The following LIPE variants were observed in gnomAD, a reference collection of about 807,000 sequenced individuals.
The protein encoded by LIPE is lipase E, hormone sensitive type.
Under a neutral mutation model 88.5 loss-of-function variants are expected in LIPE, and 66 were observed. The observed-to-expected ratio is 0.75, with a 90% CI of 0.61 to 0.91. The LOEUF is 0.91. Ranked by LOEUF, LIPE falls within the 40% of genes least tolerant of loss-of-function variation. LIPE has a pLI of 0.00. For synonymous variants in LIPE, 570 were observed against 617.5 expected (o/e 0.92, Z 1.14); for missense variants, 1,346 against 1,434.7 (o/e 0.94, Z 1.00).
At chr19:42,425,788 C>T (rs1308285422) in intron 1 of LIPE, among the ~76,000 whole-genome samples, 2 of 152,006 alleles carry the variant, frequency 1.3e-5, no homozygotes, top group South Asian at 2.1e-4. Flanking sequence ...CCAGCCTGGG[C>T]GACAGAGTGA....
At position 42,410,737 on chromosome 19, in the gene LIPE, G is replaced by A. The variant is rs780479523; in HGVS notation, c.989C>T (p.Thr330Met). ...AFFSSQGPGE[T>M]AQRLSGVFAG... Reference sequence around the variant, plus strand: ...AAAAACGCCTGACAGCCGCTGGGCCGTTTCCCCAGGACCCTGGCTCGAGAA... The same window carrying A: ...AAAAACGCCTGACAGCCGCTGGGCCATTTCCCCAGGACCCTGGCTCGAGAA... The change falls in exon 2 of 10, where the codon ACG becomes ATG. Residue 330 changes from threonine to methionine, a missense_variant. Coordinates refer to ENST00000244289, the MANE Select transcript of LIPE (RefSeq NM_005357.4). This position sits in a 1 kb window ranked among gnomAD's most constrained non-coding sequence, Gnocchi z 6.1. 9.3e-6 allele frequency: 15 copies of A among 1,613,868 alleles called. No homozygotes were observed. The East Asian group carries it at 1.6e-4, about 17-fold the overall frequency.
chr19:42,426,123 TTTA>T, intron 1 of LIPE, 141 bp downstream of exon 1: 1 of 590,874 alleles, frequency 1.7e-6, no homozygotes, highest in South Asian at 5.6e-5. Flanking sequence ...TTTTTTTTTT[TTTA>T]ATAATGGGGA....
At chr19:42,405,111 G>T (rs548392464) in intron 8 of LIPE, among the ~76,000 whole-genome samples, 4 of 152,228 alleles carry the variant, frequency 2.6e-5, no homozygotes, top group African/African-American at 9.6e-5. Context: ...CAAGTGATCT[G>T]CCCACCTTGG....
rs1273645616 is a variant in LIPE, at chr19:42,421,943, C to T, written c.883+4324G>A. Among the ~76,000 whole-genome samples the T allele has an allele frequency of 5.3e-5, 8 of 152,346 alleles. No individual in the cohort carries two copies. In the East Asian group the frequency reaches 1.3e-3, roughly 26 times the overall value. On this transcript the variant is annotated intron_variant, in intron 1 of 9. Coordinates refer to ENST00000244289, the MANE Select transcript of LIPE (RefSeq NM_005357.4). ...GAGCCTTTGTGAATGGCTCGTTTTGCAGGGAGCCCTGCCCAACTGGATTCT... is the reference window on the plus strand; with the variant it reads ...GAGCCTTTGTGAATGGCTCGTTTTGTAGGGAGCCCTGCCCAACTGGATTCT...
intron 1 of LIPE, chr19:42,423,003 C>T (rs1350530870): frequency 1.6e-5 from 3 of 190,438 alleles, no homozygotes; most frequent in Non-Finnish European, 3.4e-5. Context: ...CGCTAGACTT[C>T]CTCTTTGAGT....
intron 1 of LIPE, chr19:42,423,704 C>A: frequency 8.8e-7 from 1 of 1,138,210 alleles, no homozygotes; most frequent in South Asian, 1.8e-5. Flanking sequence ...CGCTGCCGTG[C>A]TCCGCCCCCA....
In LIPE at chr19:42,409,301, C is replaced by G. The variant is rs547831560; in HGVS notation, c.1420-979G>C. Among the ~76,000 whole-genome samples the G allele has an allele frequency of 3.3e-5, 5 of 150,758 alleles. No individual in the cohort carries two copies. The South Asian group carries it at 1.0e-3, about 32-fold the overall frequency. On this transcript the variant is annotated intron_variant, in intron 2 of 9. Coordinates refer to ENST00000244289, the MANE Select transcript of LIPE (RefSeq NM_005357.4). Reference sequence around the variant, plus strand: ...GTGCAGTGGCTCATGCCTGTAAACCCAGTACTTTGGGAGGCCAAGGTGGGT... The same window carrying G: ...GTGCAGTGGCTCATGCCTGTAAACCGAGTACTTTGGGAGGCCAAGGTGGGT...
intron 2 of LIPE, among the ~76,000 whole-genome samples, chr19:42,409,153 CAGAA>C (rs1216860868): frequency 2.0e-5 from 3 of 151,802 alleles, no homozygotes; most frequent in Non-Finnish European, 2.9e-5. Flanking sequence ...GGACCTGAGG[CAGAA>C]AGACAGTCAG....
At position 42,423,210 on chromosome 19, in the gene LIPE, T is replaced by A. The variant is rs10421857; in HGVS notation, c.883+3057A>T. ...CTCTGCTCCCAAGCCGATCCGGGCG[T>A]CAGCTAGTCCCTGTGCCAGGGTGGG... On this transcript the variant is annotated intron_variant, in intron 1 of 9. Coordinates refer to ENST00000244289, the MANE Select transcript of LIPE (RefSeq NM_005357.4). The A allele has an allele frequency of 9.0e-3, 2,732 of 303,792 alleles. 66 individuals are homozygous for A. Among genetic ancestry groups the A allele is most frequent in the African/African-American group, 0.056 (2,413 of 43,200 alleles). 18.8% of individuals were successfully genotyped at this position (303,792 alleles called of 1,614,324 possible). A position where few individuals can be genotyped will look rare whatever the true frequency, so the allele number is the denominator to read the frequency against.
chr19:42,421,889 G>T (rs979569667), intron 1 of LIPE, among the ~76,000 whole-genome samples: 6 of 152,256 alleles, frequency 3.9e-5, no homozygotes, highest in African/African-American at 1.4e-4. Flanking sequence ...TTCAGGAAAT[G>T]ACAGGCAAAT....
intron 1 of LIPE, among the ~76,000 whole-genome samples, chr19:42,420,216 G>T (rs1254551249): frequency 6.6e-6 from 1 of 152,062 alleles, no homozygotes; most frequent in Non-Finnish European, 1.5e-5. Flanking sequence ...CAGAGCTGCT[G>T]ATCTCTGCTG....
intron 1 of LIPE, among the ~76,000 whole-genome samples, chr19:42,426,017 G>A (rs2040699724): frequency 6.6e-6 from 1 of 151,178 alleles, no homozygotes. Context: ...GGCTAGGCTG[G>A]TCTTGAACTC....
In LIPE at chr19:42,417,799, T is replaced by C. The variant is rs369744984; in HGVS notation, c.884-6957A>G. Among the ~76,000 whole-genome samples the C allele has an allele frequency of 1.4e-4, 22 of 152,216 alleles. No homozygotes were observed. The East Asian group carries it at 3.7e-3, about 25-fold the overall frequency. On this transcript the variant is annotated intron_variant, in intron 1 of 9. Coordinates refer to ENST00000244289, the MANE Select transcript of LIPE (RefSeq NM_005357.4). The stretch of plus-strand genomic sequence containing the variant: ...ACTTTGGGAGGCCAAGGCAGGAAGA[T>C]AGCTTGAGGCCAGTTTGAGATCAAC...
chr19:42,424,052 G>A, intron 1 of LIPE: 3 of 1,183,492 alleles, frequency 2.5e-6, no homozygotes, highest in Middle Eastern at 3.9e-4. Flanking sequence ...ACGAGGCGGG[G>A]CGCCAGCGCT....
intron 1 of LIPE, chr19:42,423,523 C>T (rs749072843): frequency 7.9e-7 from 1 of 1,262,588 alleles, no homozygotes; most frequent in Non-Finnish European, 1.0e-6. Flanking sequence ...CTCCGTTCCC[C>T]CGGCCAACTC....
In LIPE at chr19:42,426,275, TG is replaced by T; in HGVS notation, c.874del (p.Gln292ArgfsTer16). Reference protein sequence around the residue: ...KTSARNHRHYQDTASRLIHNM... With the variant: ...KTSARNHRHYXDTASRLIHNM... ...TCCAGATTCACACTCACCTGTATCC[TG>T]GTAGTGTCTGTGATTCCGAGCACTG... On this transcript the variant is annotated frameshift_variant, in exon 1 of 10. Coordinates refer to ENST00000244289, the MANE Select transcript of LIPE (RefSeq NM_005357.4). LOFTEE classifies it high-confidence loss of function. The T allele has an allele frequency of 6.2e-7, 1 of 1,600,610 alleles. No homozygotes were observed. The highest frequency in any genetic ancestry group is 8.6e-7 in the Non-Finnish European group (1 of 1,168,662).
chr19:42,411,015 A>G (rs1254941875), intron 1 of LIPE, among the ~76,000 whole-genome samples, 173 bp from the exon 2 acceptor site: 2 of 151,960 alleles, frequency 1.3e-5, no homozygotes, highest in African/African-American at 4.8e-5. Context: ...ATAAGAGGTC[A>G]CCCTCTTGTC....
intron 1 of LIPE, among the ~76,000 whole-genome samples, chr19:42,416,460 A>C (rs2040489848): frequency 6.6e-6 from 1 of 152,246 alleles, no homozygotes; most frequent in African/African-American, 2.4e-5. Context: ...ACATATTTTC[A>C]GTGTAGATAA....
chr19:42,404,520 C>T (rs986381376), intron 8 of LIPE, among the ~76,000 whole-genome samples: 2 of 152,238 alleles, frequency 1.3e-5, no homozygotes, highest in South Asian at 2.1e-4. Flanking sequence ...TGAGCCATTG[C>T]GCCTGGCCCA....
Sources: gnomAD v4.1 joint callset for allele counts (sites outside exome capture counted in the v4.1 genomes callset) on GRCh38, gnomAD v4.1.1 for gene constraint, Gnocchi (gnomAD v3.1) non-coding constraint, MANE v1.5 for transcripts, NCBI Gene and HGNC (gene_info 2026-07-23, HGNC 2026-07-21) for gene names.